PLCB1: variants seen among roughly 807,000 people sequenced by gnomAD.
PLCB1 encodes the protein phospholipase C beta 1, also known as 1-phosphatidylinositol 4,5-bisphosphate phosphodiesterase beta-1.
PLCB1 carries 46 observed loss-of-function variants against 161.8 expected under a neutral mutation model. That is an observed-to-expected ratio of 0.28 (90% CI 0.22 to 0.36). The LOEUF (loss-of-function observed/expected upper bound fraction) is 0.36. PLCB1 is among the 10% of genes least tolerant of loss of function. The pLI is 1.00. For missense variants in PLCB1, 1,016 were observed against 1,472.5 expected, an observed-to-expected ratio of 0.69 and a Z score of 5.07; for synonymous variants, 517 against 503.7, an observed-to-expected ratio of 1.03 and a Z score of -0.35.
chr20:8,227,900 CA>C (rs1256579135), intron 2 of PLCB1, among the ~76,000 whole-genome samples: 1 of 151,966 alleles, frequency 6.6e-6, no homozygotes, highest in Non-Finnish European at 1.5e-5. Flanking sequence ...AGATTTTATC[CA>C]AAAATATATC....
intron 10 of PLCB1, among the ~76,000 whole-genome samples, chr20:8,695,952 A>G (rs1990575336): frequency 6.6e-6 from 1 of 152,178 alleles, no homozygotes; most frequent in South Asian, 2.1e-4. Flanking sequence ...AGGTGCCTTC[A>G]TTATAACAAT....
intron 3 of PLCB1, among the ~76,000 whole-genome samples, chr20:8,569,079 C>T (rs1986426946): frequency 6.6e-6 from 1 of 152,162 alleles, no homozygotes; most frequent in Admixed American, 6.5e-5. Flanking sequence ...TGTAAGGGAG[C>T]TCTCCCTTGA....
chr20:8,321,196 A>G (rs1984905225), intron 2 of PLCB1, among the ~76,000 whole-genome samples: 1 of 152,214 alleles, frequency 6.6e-6, no homozygotes, highest in Admixed American at 6.5e-5. Flanking sequence ...AATACTCACA[A>G]TTTGCAAAAC....
rs1989532669 is a variant in PLCB1, at chr20:8,658,619, T to C, written c.777T>C (p.Asn259=). ...TTAAGCAGCGAGATCCTCGGCTTAA[T>C]GAAATACTTTATCCACCTCTAAAAC... is the stretch of plus-strand genomic sequence containing the variant. ...INLKQRDPRL[N]EILYPPLKQE... Residue 259 remains asparagine, a synonymous_variant, in exon 9 of 32, where the codon AAT becomes AAC. Transcript: ENST00000338037. 6.2e-6 allele frequency: 10 copies of C among 1,612,626 alleles called. No individual in the cohort carries two copies. The highest frequency in any genetic ancestry group is 8.5e-6 in the Non-Finnish European group (10 of 1,178,998).
chr20:8,140,169 T>A (rs2051388168), intron 1 of PLCB1, among the ~76,000 whole-genome samples: 1 of 152,188 alleles, frequency 6.6e-6, no homozygotes, highest in South Asian at 2.1e-4. Flanking sequence ...CCTTTCTGAA[T>A]GTGGTAGATA....
chr20:8,615,789 A>G (rs1013581827), intron 3 of PLCB1, among the ~76,000 whole-genome samples: 9 of 152,166 alleles, frequency 5.9e-5, no homozygotes, highest in Admixed American at 5.9e-4. Context: ...CCGGAATAAA[A>G]CTGAAATCAG....
chr20:8,150,781 T>C (rs535286234), intron 2 of PLCB1, among the ~76,000 whole-genome samples: 111 of 152,274 alleles, frequency 7.3e-4, no homozygotes, highest in African/African-American at 2.4e-3. Context: ...TCTTTTCCCC[T>C]GTGCTGTTCA....
intron 27 of PLCB1, among the ~76,000 whole-genome samples, chr20:8,783,791 A>G (rs935615602): frequency 4.6e-5 from 7 of 152,166 alleles, no homozygotes; most frequent in East Asian, 1.9e-4. Flanking sequence ...TTATTTCTCC[A>G]TTGACATGTA....
chr20:8,417,217 G>T (rs1405773662), intron 3 of PLCB1, among the ~76,000 whole-genome samples: 1 of 148,744 alleles, frequency 6.7e-6, no homozygotes, highest in Non-Finnish European at 1.5e-5. Flanking sequence ...CTCCTGAGTA[G>T]CTGGGACTAC....
chr20:8,424,935 G>C (rs1185691380), intron 3 of PLCB1, among the ~76,000 whole-genome samples: 1 of 152,102 alleles, frequency 6.6e-6, no homozygotes, highest in Non-Finnish European at 1.5e-5. Flanking sequence ...AATCTTCTTG[G>C]GTTCAAATAC....
intron 1 of PLCB1, among the ~76,000 whole-genome samples, chr20:8,144,218 C>G (rs1035630480): frequency 2.0e-5 from 3 of 152,212 alleles, no homozygotes; most frequent in African/African-American, 7.2e-5. Context: ...TGAGGTGCCA[C>G]TGCATACCCA....
intron 31 of PLCB1, among the ~76,000 whole-genome samples, chr20:8,806,825 C>T (rs925088530): frequency 3.9e-5 from 6 of 152,184 alleles, no homozygotes; most frequent in Non-Finnish European, 1.5e-5. Flanking sequence ...GCTAGAGAAA[C>T]GTCTCCGTTT....
intron 31 of PLCB1, among the ~76,000 whole-genome samples, chr20:8,826,408 T>G (rs1352400700): frequency 1.3e-5 from 2 of 148,768 alleles, no homozygotes; most frequent in Non-Finnish European, 3.0e-5. Flanking sequence ...GGCAGGAGAA[T>G]GGCATGAACC....
intron 3 of PLCB1, among the ~76,000 whole-genome samples, chr20:8,449,417 C>T (rs747062044): frequency 6.6e-6 from 1 of 152,278 alleles, no homozygotes; most frequent in Non-Finnish European, 1.5e-5. Context: ...AATTGCCTAT[C>T]GCTAGTGTCC....
intron 3 of PLCB1, among the ~76,000 whole-genome samples, chr20:8,448,517 C>A (rs576827276): frequency 3.9e-5 from 6 of 152,138 alleles, no homozygotes; most frequent in African/African-American, 1.4e-4. Context: ...TGTGTTAGGG[C>A]GCCACTGAAG....
chr20:8,350,449 C>A (rs1046603770), intron 2 of PLCB1, among the ~76,000 whole-genome samples: 1 of 152,138 alleles, frequency 6.6e-6, no homozygotes, highest in African/African-American at 2.4e-5. Context: ...GCATAGTATT[C>A]CATTGTGTAT....
At chr20:8,845,659 G>T (rs962319269) in intron 31 of PLCB1, among the ~76,000 whole-genome samples, 1 of 151,790 alleles carries the variant, frequency 6.6e-6, no homozygotes, top group African/African-American at 2.4e-5. Context: ...GGTTTTTTTG[G>T]TTGACAATTA....
intron 3 of PLCB1, among the ~76,000 whole-genome samples, chr20:8,541,609 G>GAAAGAAAGAAAGAAAGAAAGAAAGA (rs1192850084): frequency 5.4e-4 from 31 of 57,788 alleles, no homozygotes; most frequent in African/African-American, 9.5e-4. Context: ...AGAAAGAAAG[G>GAAAGAAAGAAAGAAAGAAAGAAAGA]AAGGAAGATA....
intron 4 of PLCB1, among the ~76,000 whole-genome samples, chr20:8,637,522 G>T (rs570893430): frequency 6.6e-6 from 1 of 152,198 alleles, no homozygotes; most frequent in East Asian, 1.9e-4. Flanking sequence ...AAATGAAAAA[G>T]ACTTAATTTT....
Sources: allele counts gnomAD v4.1 joint callset (sites outside exome capture counted in the v4.1 genomes callset), GRCh38; gene constraint gnomAD v4.1.1; transcripts MANE v1.5; gene names NCBI Gene and HGNC (gene_info 2026-07-23, HGNC 2026-07-21).